CAPN3: variants seen among roughly 807,000 people sequenced by gnomAD.
The protein encoded by CAPN3 is calpain 3.
In CAPN3, 88 loss-of-function variants were observed where a neutral mutation model predicts 114.0. The observed-to-expected ratio is 0.77, with a 90% CI of 0.65 to 0.92. CAPN3 has a LOEUF of 0.92. Among genes scored for constraint, CAPN3 ranks in the 40% least tolerant of loss-of-function variants. The pLI is 0.00. For missense variants in CAPN3, 1,028 were observed against 1,069.0 expected (o/e 0.96, Z 0.53); for synonymous variants, 386 against 382.9 (o/e 1.01, Z -0.09).
At position 42,394,267 on chromosome 15, in the gene CAPN3, AG is replaced by A. The variant is rs781013226; in HGVS notation, c.1043del (p.Gly348ValfsTer4). The A allele has an allele frequency of 8.3e-6, 13 of 1,558,270 alleles. No individual in the cohort carries two copies. Among genetic ancestry groups the A allele is most frequent in the Non-Finnish European group, 1.1e-5 (13 of 1,150,500 alleles). ...VTGLDEVPFK[G>X]EKVKLVRLRN... is the part of the protein sequence containing the mutation. ...TCTGTGTGCTTAAGGTCCCGTTCAA[AG>A]GTGAGAAAGTGAAGCTGGTGCGGCT... On this transcript the variant is annotated frameshift_variant, in exon 8 of 24. Transcript: ENST00000397163. LOFTEE classifies it high-confidence loss of function.
rs28364499 is a variant in CAPN3, at chr15:42,403,552, G to A, written c.1746-189G>A. 8.0e-3 allele frequency among the ~76,000 whole-genome samples: 1,214 copies of A among 152,248 alleles called. 14 individuals carry two copies. Among genetic ancestry groups the A allele is most frequent in the African/African-American group, 0.028 (1,161 of 41,536 alleles). ...CTGAGCAATACTAACAAGAACCTGC[G>A]TGCCTGGGCTTGGCTGTCGGGGATG... On this transcript the variant is annotated intron_variant, in intron 13 of 23. Coordinates refer to ENST00000397163, the MANE Select transcript of CAPN3 (RefSeq NM_000070.3).
intron 14 of CAPN3, 78 bp downstream of exon 14, chr15:42,403,855 G>C: frequency 1.6e-6 from 2 of 1,285,702 alleles, no homozygotes; most frequent in South Asian, 2.4e-5. Flanking sequence ...ATGGTGCAGG[G>C]GAGAATGGGC....
intron 2 of CAPN3, chr15:42,385,584 A>T (rs529832108): frequency 6.1e-6 from 3 of 492,104 alleles, no homozygotes; most frequent in East Asian, 5.6e-5. Flanking sequence ...GTTACCTCCA[A>T]CTACATACAG....
chr15:42,398,211 G>A (rs1051701725), intron 9 of CAPN3, among the ~76,000 whole-genome samples: 2 of 151,928 alleles, frequency 1.3e-5, no homozygotes, highest in African/African-American at 2.4e-5. Context: ...TCAAATTAGG[G>A]TAATTGAGAT....
rs767593985 is a variant in CAPN3 at position 42,409,827 on chromosome 15, A to T, written c.2033A>T (p.Asn678Ile). 7.3e-6 allele frequency: 11 copies of T among 1,508,486 alleles called. No homozygotes were observed. In the South Asian group the frequency reaches 1.0e-4, roughly 14 times the overall value. The allele number at this position is 1,508,486 out of a possible 1,614,324, so 93.4% of individuals were successfully genotyped here. Residue 678 changes from asparagine to isoleucine, a missense_variant, in exon 18 of 24, where the codon AAC becomes ATC. By Grantham distance (149) the Asn-to-Ile change is moderately radical (BLOSUM62 -3). Coordinates refer to ENST00000397163, the MANE Select transcript of CAPN3 (RefSeq NM_000070.3). ...GCAGATGAGCTCAAGAAGGTCCTTA[A>T]CACAGTCGTGAACAAACGTGAGTTG... ...ICADELKKVL[N>I]TVVNKHKDLK... is the part of the protein sequence containing the mutation.
rs905681564 is a variant in CAPN3 at position 42,389,837 on chromosome 15, C to T, written c.802-116C>T. The T allele has an allele frequency of 6.3e-6, 7 of 1,112,562 alleles. No homozygotes were observed. The African/African-American group carries it at 9.2e-5, about 15-fold the overall frequency. The allele number at this position is 1,112,562 out of a possible 1,614,324, so 68.9% of individuals were successfully genotyped here. A position where few individuals can be genotyped will look rare whatever the true frequency, so the allele number is the denominator to read the frequency against. ...TCCTCCATTCGTGCTCTGTTGATCT[C>T]TCCTCTCTCCCTTTGTCTGTCCCAT... On this transcript the variant is annotated intron_variant, in intron 5 of 23. Coordinates refer to ENST00000397163, the MANE Select transcript of CAPN3 (RefSeq NM_000070.3).
At chr15:42,381,664 C>T (rs2053254213) in intron 1 of CAPN3, among the ~76,000 whole-genome samples, 1 of 152,066 alleles carries the variant, frequency 6.6e-6, no homozygotes, top group Non-Finnish European at 1.5e-5. Flanking sequence ...CTCAGCCTCC[C>T]GAGTAGCTGG....
chr15:42,411,605 A>C (rs766250138), intron 23 of CAPN3, 142 bp from the exon 24 acceptor site: 31 of 737,930 alleles, frequency 4.2e-5, no homozygotes, highest in Non-Finnish European at 7.2e-5. Context: ...GGAAACAGTA[A>C]GCCACTGCTT....
At chr15:42,409,491 G>A (rs183243429) in intron 17 of CAPN3, 111 bp downstream of exon 17, 60 of 1,029,848 alleles carry the variant, frequency 5.8e-5, no homozygotes, top group Middle Eastern at 4.1e-4. Flanking sequence ...TTTGGACTTT[G>A]GTGGAGCCAG....
chr15:42,386,205 C>CT lies in CAPN3; in HGVS notation c.419dup (p.Asn141GlufsTer12). 1 of 1,614,152 alleles carries CT rather than the reference C, an allele frequency of 6.2e-7. No homozygotes were observed. Among genetic ancestry groups the CT allele is most frequent in the Non-Finnish European group, 8.5e-7 (1 of 1,179,998 alleles). ...TCTCGCAGCCATTGCCTGCCTGACCCTGAACCAGCACCTTCTTTTCCGAGT... is the reference window on the plus strand; with the variant it reads ...TCTCGCAGCCATTGCCTGCCTGACCCTTGAACCAGCACCTTCTTTTCCGAGT... On this transcript the variant is annotated frameshift_variant, in exon 3 of 24. Coordinates refer to ENST00000397163, the MANE Select transcript of CAPN3 (RefSeq NM_000070.3). LOFTEE classifies it high-confidence loss of function.
chr15:42,396,281 C>T, intron 8 of CAPN3, among the ~76,000 whole-genome samples: 1 of 149,720 alleles, frequency 6.7e-6, no homozygotes, highest in Non-Finnish European at 1.5e-5. Context: ...CTCACTCTGC[C>T]ACCCAGGCTG....
intron 1 of CAPN3, among the ~76,000 whole-genome samples, chr15:42,360,323 C>A (rs1010871876): frequency 6.6e-6 from 1 of 150,702 alleles, no homozygotes; most frequent in South Asian, 2.1e-4. Context: ...AGAGGGAGAG[C>A]GCAGGAGGTG....
intron 3 of CAPN3, 79 bp from the exon 4 acceptor site, chr15:42,387,674 C>T: frequency 6.4e-7 from 1 of 1,551,752 alleles, no homozygotes. Flanking sequence ...TTCAAGAACC[C>T]CCTGAGGAAT....
rs141069178 is a variant in CAPN3 at position 42,410,010 on chromosome 15, G to A, written c.2115+15G>A. ...CGCTCATGGATGTATCCTTCCTGCCGCCCCTTCCCGACCCTCTGTCATCAG... is the reference window on the plus strand; with the variant it reads ...CGCTCATGGATGTATCCTTCCTGCCACCCCTTCCCGACCCTCTGTCATCAG... On this transcript the variant is annotated intron_variant, in intron 19 of 23. Transcript: ENST00000397163. The A allele has an allele frequency of 3.5e-5, 56 of 1,610,772 alleles. No individual in the cohort carries two copies. Among genetic ancestry groups the A allele is most frequent in the South Asian group, 8.8e-5 (8 of 90,968 alleles).
chr15:42,402,238 G>C, intron 12 of CAPN3, 103 bp downstream of exon 12: 1 of 1,605,158 alleles, frequency 6.2e-7, no homozygotes, highest in African/African-American at 1.3e-5. Flanking sequence ...TTTGTGGGCA[G>C]GACTGTGATA....
At chr15:42,385,828 G>A (rs757851060) in intron 2 of CAPN3, 1 of 555,864 alleles carries the variant, frequency 1.8e-6, no homozygotes, top group Admixed American at 1.9e-5. Context: ...TCCTACAGGT[G>A]TTAGGAAGAA....
Position 42,384,510 on chromosome 15 carries a change from A to C in CAPN3, c.337A>C (p.Ile113Leu). ...AATTTGCGAGAATCCCCGATTTATC[A>C]TTGATGGAGCCAACAGAACTGACAT... Reference protein sequence around the residue: ...PEICENPRFIIDGANRTDICQ... With the variant: ...PEICENPRFILDGANRTDICQ... The change falls in exon 2 of 24, where the codon ATT becomes CTT. Residue 113 changes from isoleucine to leucine, a missense_variant. Coordinates refer to ENST00000397163, the MANE Select transcript of CAPN3 (RefSeq NM_000070.3). The C allele has an allele frequency of 6.2e-7, 1 of 1,614,010 alleles. No homozygotes were observed. Among genetic ancestry groups the C allele is most frequent in the Non-Finnish European group, 8.5e-7 (1 of 1,179,886 alleles).
At chr15:42,380,039 C>T (rs979395249) in intron 1 of CAPN3, among the ~76,000 whole-genome samples, 1 of 152,138 alleles carries the variant, frequency 6.6e-6, no homozygotes, top group African/African-American at 2.4e-5. Context: ...TTGCTTGAAA[C>T]CGAGAGGCGG....
chr15:42,386,081 A>G, intron 2 of CAPN3, 86 bp from the exon 3 acceptor site: 1 of 913,362 alleles, frequency 1.1e-6, no homozygotes, highest in Non-Finnish European at 1.8e-6. Context: ...CCGTTCAGGG[A>G]AGTGGAGTGG....
Sources: allele counts gnomAD v4.1 joint callset (sites outside exome capture counted in the v4.1 genomes callset), GRCh38; gene constraint gnomAD v4.1.1; transcripts MANE v1.5; gene names NCBI Gene and HGNC (gene_info 2026-07-23, HGNC 2026-07-21).